Variants in PLEC observed in about 807,000 individuals in gnomAD.
The protein encoded by PLEC is hemidesmosomal protein 1.
In PLEC, 216 loss-of-function variants were observed where a neutral mutation model predicts 392.8. The ratio of observed to expected loss-of-function variants is 0.55; its 90% CI spans 0.49 to 0.62. The LOEUF is 0.62. Among genes scored for constraint, PLEC ranks in the 20% least tolerant of loss-of-function variants. The pLI, the probability that PLEC is intolerant of heterozygous loss-of-function variation, is 0.00. For synonymous variants in PLEC, 3,621 were observed against 2,980.6 expected (o/e 1.21, Z -7.00); for missense variants, 6,863 against 6,563.4 (o/e 1.05, Z -1.58).
Position 143,929,739 on chromosome 8 carries a change from C to T in PLEC, c.2830G>A (p.Gly944Ser). The T allele has an allele frequency of 6.3e-7, 1 of 1,599,618 alleles. No homozygotes were observed. Among genetic ancestry groups the T allele is most frequent in the Non-Finnish European group, 8.5e-7 (1 of 1,179,150 alleles). Residue 944 changes from glycine to serine, a missense_variant, in exon 23 of 32, where the codon GGC (glycine) becomes AGC (serine). Coordinates refer to ENST00000345136, the MANE Select transcript of PLEC (RefSeq NM_201384.3). ...AGCCGGTCCTCGGGTCCGAAGCCGC[C>T]CGCGTCCTGGCTGTCCCGCAGGAAG... ...QAFLRDSQDA[G>S]GFGPEDRLMA...
chr8:143,918,765 G>A lies in PLEC; in HGVS notation c.11056C>T (p.Leu3686Phe). 4 of 1,613,114 alleles carry A rather than the reference G, an allele frequency of 2.5e-6. No homozygotes were observed. Among genetic ancestry groups the A allele is most frequent in the Non-Finnish European group, 2.5e-6 (3 of 1,180,022 alleles). The change falls in exon 32 of 32, where the codon CTC (leucine) becomes TTC (phenylalanine). Residue 3686 changes from leucine to phenylalanine, a missense_variant. Leu to Phe is a conservative substitution (Grantham distance 22). Coordinates refer to ENST00000345136, the MANE Select transcript of PLEC (RefSeq NM_201384.3). ...CCAGCCACGGAGCCCGTGCCATAGA[G>A]GTAGCACCAGGCGGACTCCGCCTCG... ...ALEAESAWCY[L>F]YGTGSVAGVY...
rs116667838 is a variant in PLEC at position 143,966,639 on chromosome 8, C to T, written c.70+6764G>A. ...AAGCCACACCTGCCACAGGACAGGG[C>T]GGGGCTCGGCTGGGGGGGTACAAAA... On this transcript the variant is annotated intron_variant, in intron 1 of 31. Coordinates refer to the PLEC transcript ENST00000356346. Among the ~76,000 whole-genome samples the T allele has an allele frequency of 4.9e-3, 742 of 152,250 alleles. 5 individuals are homozygous for T. Among genetic ancestry groups the T allele is most frequent in the African/African-American group, 0.017 (701 of 41,542 alleles).
rs1213337224 is a variant in PLEC, at chr8:143,927,721, G to A, written c.3445C>T (p.Leu1149=). The change falls in exon 27 of 32, where the codon CTG becomes TTG. Residue 1149 remains leucine, a synonymous_variant. Transcript: ENST00000345136. ...TGTGCCCCCCGCAGCTCATCCCGCA[G>A]GGCGTCGAACGTGGGCTGCTGTGCC... The part of the protein sequence containing the change: ...AEAQQPTFDA[L]RDELRGAQEV... 6.3e-7 allele frequency: 1 copy of A among 1,592,900 alleles called. No individual in the cohort carries two copies. The highest frequency in any genetic ancestry group is 8.6e-7 in the Non-Finnish European group (1 of 1,168,534).
chr8:143,964,300 T>A (rs1330061287), intron 1 of PLEC, among the ~76,000 whole-genome samples: 3 of 152,148 alleles, frequency 2.0e-5, no homozygotes, highest in Non-Finnish European at 4.4e-5. Flanking sequence ...ATAATTGGTA[T>A]CTTATTTGGA....
Position 143,921,212 on chromosome 8 carries a change from C to G in PLEC, c.8609G>C (p.Arg2870Pro). ...ENLTYLQLLE[R>P]CVEDPETGLC... Reference sequence around the variant, plus strand: ...GCCCGTCTCGGGGTCCTCCACGCAGCGCTCCAGTAGCTGCAGGTACGTGAG... The same window carrying G: ...GCCCGTCTCGGGGTCCTCCACGCAGGGCTCCAGTAGCTGCAGGTACGTGAG... The change falls in exon 32 of 32, where the codon CGC becomes CCC. Residue 2870 changes from arginine to proline, a missense_variant. Physicochemically the swap from Arg to Pro is moderately radical, Grantham distance 103. Transcript: ENST00000345136. The G allele has an allele frequency of 6.2e-7, 1 of 1,614,040 alleles. No individual in the cohort carries two copies. The highest frequency in any genetic ancestry group is 8.5e-7 in the Non-Finnish European group (1 of 1,180,052).
chr8:143,924,974 G>C lies in PLEC; in HGVS notation c.4955C>G (p.Ala1652Gly). 1.3e-6 allele frequency: 2 copies of C among 1,578,580 alleles called. No homozygotes were observed. Among genetic ancestry groups the C allele is most frequent in the Non-Finnish European group, 1.7e-6 (2 of 1,170,658 alleles). ...LRLRLQAEEV[A>G]QQKSLAQAEA... ...GGCCTGCGCCAGGCTCTTCTGCTGC[G>C]CCACCTCCTCCGCCTGCAGCCGCAG... Residue 1652 changes from alanine (A) to glycine (G), a missense_variant, in exon 31 of 32, where the codon GCG becomes GGG. By Grantham distance (60) the Ala-to-Gly change is moderately conservative. Transcript: ENST00000345136.
intron 30 of PLEC, 31 bp from the exon 31 acceptor site, chr8:143,925,915 CAG>C (rs1433223949): frequency 1.4e-5 from 21 of 1,534,506 alleles, no homozygotes; most frequent in African/African-American, 1.1e-4. Flanking sequence ...AGAAGAGAAG[CAG>C]AGAGAGTGTG....
upstream of PLEC, among the ~76,000 whole-genome samples, chr8:143,942,184 C>T (rs1472494304): frequency 6.6e-6 from 1 of 151,746 alleles, no homozygotes; most frequent in African/African-American, 2.4e-5. Flanking sequence ...CCCCTCCAGC[C>T]CCTTCTCTAG....
intron 1 of PLEC, among the ~76,000 whole-genome samples, chr8:143,946,010 C>T (rs1295909214): frequency 5.3e-5 from 8 of 152,368 alleles, no homozygotes; most frequent in South Asian, 4.1e-4. Context: ...GGGCAGGGGC[C>T]GACAGGCCGG....
chr8:143,946,421 G>C (rs2080656789), intron 1 of PLEC: 2 of 1,285,702 alleles, frequency 1.6e-6, no homozygotes, highest in Non-Finnish European at 2.0e-6. Context: ...GCTGCTCCGA[G>C]AGCCGGCAGG....
At position 143,930,402 on chromosome 8, in the gene PLEC, G is replaced by A. The variant is rs782233609; in HGVS notation, c.2439C>T (p.Cys813=). Residue 813 remains cysteine (C), a synonymous_variant, in exon 20 of 32, where the codon TGC becomes TGT. Coordinates refer to ENST00000345136, the MANE Select transcript of PLEC (RefSeq NM_201384.3). The part of the protein sequence containing the change: ...MRGRLPLLAV[C]DYKQVEVTVH... Reference sequence around the variant, plus strand: ...CGCTCACCTCCACCTGCTTATAGTCGCACACGGCCAGCAGGGGCAGGCGGC... The same window carrying A: ...CGCTCACCTCCACCTGCTTATAGTCACACACGGCCAGCAGGGGCAGGCGGC... 16 of 1,571,550 alleles carry A rather than the reference G, an allele frequency of 1.0e-5. No individual in the cohort carries two copies. Among genetic ancestry groups the A allele is most frequent in the African/African-American group, 9.5e-5 (7 of 74,052 alleles).
rs143407848 is a variant in PLEC, at chr8:143,946,641, C to T, written c.523+3543G>A. On this transcript the variant is annotated intron_variant, in intron 1 of 31. Transcript: ENST00000322810. ...GCAATCCCAGAGAGCCCTCCGGCCC[C>T]AGCCCACGGGTCTTCCCTACTGTTC... 1.6e-3 allele frequency: 490 copies of T among 304,208 alleles called. 3 individuals carry two copies. The highest frequency in any genetic ancestry group is 0.011 in the African/African-American group (469 of 44,088). 18.8% of individuals were successfully genotyped at this position (304,208 alleles called of 1,614,324 possible).
In PLEC at chr8:143,918,100, C is replaced by T. The variant is rs371520192; in HGVS notation, c.11721G>A (p.Thr3907=). Residue 3907 remains threonine (T), a synonymous_variant, in exon 32 of 32, where the codon ACG becomes ACA. Transcript: ENST00000345136. The part of the protein sequence containing the change: ...LVRSQVMDEA[T]ALQLREGLTS... The stretch of plus-strand genomic sequence containing the variant: ...TCAGGCCCTCCCGCAGCTGCAGCGC[C>T]GTGGCCTCGTCCATGACCTGCGAGC... 1.4e-4 allele frequency: 225 copies of T among 1,596,414 alleles called. No individual in the cohort carries two copies. The highest frequency in any genetic ancestry group is 1.8e-4 in the Non-Finnish European group (206 of 1,175,776).
At chr8:143,945,064 C>T in intron 1 of PLEC, 1 of 402,920 alleles carries the variant, frequency 2.5e-6, no homozygotes, top group Non-Finnish European at 4.7e-6. Flanking sequence ...CCCCACCCAC[C>T]TGCCCTGCCA....
At chr8:143,949,621 C>T (rs969408540) in intron 1 of PLEC, among the ~76,000 whole-genome samples, 1 of 152,216 alleles carries the variant, frequency 6.6e-6, no homozygotes, top group Non-Finnish European at 1.5e-5. Flanking sequence ...CCTGCCTGGA[C>T]CCTGCGCTTC....
chr8:143,919,536 C>T lies in PLEC; in HGVS notation c.10285G>A (p.Ala3429Thr), dbSNP rs1554678604. 3.1e-6 allele frequency: 5 copies of T among 1,610,962 alleles called. No individual in the cohort carries two copies. The South Asian group carries it at 5.5e-5, about 18-fold the overall frequency. ...CTGTAGCCGGTGACGGCCTTCTCGGCAGACAGCAGCTGCTCGTGAAGCTCG... is the reference window on the plus strand; with the variant it reads ...CTGTAGCCGGTGACGGCCTTCTCGGTAGACAGCAGCTGCTCGTGAAGCTCG... ...GPELHEQLLS[A>T]EKAVTGYRDP... Residue 3429 changes from alanine (A) to threonine (T), a missense_variant, in exon 32 of 32, where the codon GCC (alanine) becomes ACC (threonine). Transcript: ENST00000345136.
chr8:143,943,692 A>G, upstream of PLEC: 2 of 1,253,962 alleles, frequency 1.6e-6, no homozygotes, highest in Non-Finnish European at 2.3e-6. Flanking sequence ...GGAAACAGGA[A>G]GGGGAGGGCG....
upstream of PLEC, among the ~76,000 whole-genome samples, chr8:143,974,520 C>T (rs974607052): frequency 1.3e-5 from 2 of 152,266 alleles, no homozygotes; most frequent in East Asian, 3.8e-4. This position sits in a 1 kb window ranked among gnomAD's most constrained non-coding sequence, Gnocchi z 5.9. Context: ...CGCTTCCCGT[C>T]GTCTGCAACA....
upstream of PLEC, chr8:143,950,984 G>A (rs1390190595): frequency 5.2e-6 from 3 of 581,672 alleles, no homozygotes; most frequent in African/African-American, 4.0e-5. Flanking sequence ...TCAGCAGCAT[G>A]GGCGGCCCCT....
Sources: gnomAD v4.1 joint callset for allele counts (sites outside exome capture counted in the v4.1 genomes callset) on GRCh38, gnomAD v4.1.1 for gene constraint, Gnocchi (gnomAD v3.1) non-coding constraint, MANE v1.5 for transcripts, NCBI Gene and HGNC (gene_info 2026-07-23, HGNC 2026-07-21) for gene names.